Variants in TANC2 observed in about 807,000 individuals in gnomAD.
TANC2 encodes the protein protein TANC2.
A neutral mutation model predicts 210.5 loss-of-function variants in TANC2; 26 were observed. That is an observed-to-expected ratio of 0.12 (90% CI 0.09 to 0.17). The LOEUF (loss-of-function observed/expected upper bound fraction) is 0.17, where lower values mean the gene tolerates loss of function less well. Among genes scored for constraint, TANC2 ranks in the 10% least tolerant of loss-of-function variants. TANC2 has a pLI of 1.00. For missense variants in TANC2, 2,129 were observed against 2,608.9 expected (o/e 0.82, Z 4.01); for synonymous variants, 931 against 967.1 (o/e 0.96, Z 0.69).
chr17:63,023,785 T>C (rs2034443203), intron 2 of TANC2, among the ~76,000 whole-genome samples: 1 of 152,184 alleles, frequency 6.6e-6, no homozygotes, highest in African/African-American at 2.4e-5. Context: ...AGGATTCTGA[T>C]TTGGTGGCAG....
In TANC2 at chr17:63,421,947, A is replaced by G. The variant is rs767758030; in HGVS notation, c.6217A>G (p.Asn2073Asp). 1.2e-6 allele frequency: 2 copies of G among 1,603,252 alleles called. No individual in the cohort carries two copies. The highest frequency in any genetic ancestry group is 1.7e-6 in the Non-Finnish European group (2 of 1,174,822). Residue 2073 changes from asparagine to aspartate, a missense_variant, in exon 28 of 28, where the codon AAT becomes GAT. Around this residue, in one of 5 missense-constraint regions of TANC2, gnomAD observed 161 missense variants for 178.6 expected, o/e 0.90. Transcript: ENST00000689528. This position sits in a 1 kb window ranked among gnomAD's most constrained non-coding sequence, Gnocchi z 6.9. ...ACCAAAGAGACCGTTCGTGGAGTCT[A>G]ATGTTTAAAAGACGTTTTGTTGGAG...
intron 7 of TANC2, among the ~76,000 whole-genome samples, chr17:63,205,485 A>G (rs572601525): frequency 1.3e-5 from 2 of 152,228 alleles, no homozygotes; most frequent in Admixed American, 1.3e-4. Flanking sequence ...ACATAGGAGG[A>G]AATCTTTGGA....
intron 8 of TANC2, among the ~76,000 whole-genome samples, chr17:63,250,193 T>G (rs1286145265): frequency 6.6e-6 from 1 of 152,122 alleles, no homozygotes; most frequent in Non-Finnish European, 1.5e-5. Context: ...AATTTTGTTA[T>G]AGATTTGTTT....
At chr17:63,253,200 G>A (rs779812123) in intron 8 of TANC2, among the ~76,000 whole-genome samples, 1 of 152,168 alleles carries the variant, frequency 6.6e-6, no homozygotes, top group Non-Finnish European at 1.5e-5. Context: ...TCTGATGTCA[G>A]TGATGTTTAG....
intron 14 of TANC2, among the ~76,000 whole-genome samples, chr17:63,370,929 C>T (rs1462567506): frequency 1.3e-5 from 2 of 152,210 alleles, no homozygotes; most frequent in East Asian, 3.9e-4. Context: ...CACTTGCCAA[C>T]AAGAACTCTT....
chr17:63,025,377 T>C (rs1193591455), intron 2 of TANC2, among the ~76,000 whole-genome samples: 2 of 152,210 alleles, frequency 1.3e-5, no homozygotes, highest in Admixed American at 6.5e-5. Flanking sequence ...TCATTTTTAC[T>C]ATCTTTGGGT....
At chr17:63,116,798 C>G (rs1008156489) in intron 4 of TANC2, among the ~76,000 whole-genome samples, 2 of 152,102 alleles carry the variant, frequency 1.3e-5, no homozygotes, top group Middle Eastern at 3.2e-3. Flanking sequence ...CTAGACAGTT[C>G]CTTACATTGC....
At chr17:63,304,845 G>C (rs974508923) in intron 9 of TANC2, among the ~76,000 whole-genome samples, 3 of 152,228 alleles carry the variant, frequency 2.0e-5, no homozygotes, top group Non-Finnish European at 4.4e-5. Context: ...CAGGCCTGAA[G>C]AGGCACTCTG....
chr17:63,211,641 T>C (rs547009899), intron 7 of TANC2, among the ~76,000 whole-genome samples: 1 of 152,304 alleles, frequency 6.6e-6, no homozygotes, highest in East Asian at 1.9e-4. Context: ...CCTGTGCCTA[T>C]CTGTATTATT....
rs527516172 is a variant in TANC2 at position 63,094,941 on chromosome 17, T to C, written c.140-4234T>C. On this transcript the variant is annotated intron_variant, in intron 3 of 27. Coordinates refer to ENST00000689528, the Ensembl canonical transcript of TANC2. The stretch of plus-strand genomic sequence containing the variant: ...AAAGTAGAAAATAAATATTGAGTAA[T>C]GTAGAGTACCAGTAGGTGCTGTCTT... 1.6e-4 allele frequency among the ~76,000 whole-genome samples: 25 copies of C among 152,216 alleles called. No homozygotes were observed. The South Asian group carries it at 4.1e-3, about 25-fold the overall frequency.
chr17:63,299,734 C>G (rs1209525498), intron 9 of TANC2, among the ~76,000 whole-genome samples: 1 of 151,940 alleles, frequency 6.6e-6, no homozygotes, highest in African/African-American at 2.4e-5. Context: ...CTGTAGATTG[C>G]CTGTTCACTC....
intron 5 of TANC2, chr17:63,152,804 C>T (rs1032073650): frequency 1.3e-5 from 2 of 152,156 alleles, no homozygotes; most frequent in South Asian, 2.1e-4. Flanking sequence ...GTCATGGGGG[C>T]CTAATCTTTC....
rs568796970 is a variant in TANC2 at position 63,206,698 on chromosome 17, G to T, written c.769+5741G>T. Among the ~76,000 whole-genome samples, 18 of 152,256 alleles carry T rather than the reference G, an allele frequency of 1.2e-4. No individual in the cohort carries two copies. The South Asian group carries it at 3.5e-3, about 30-fold the overall frequency. The stretch of plus-strand genomic sequence containing the variant: ...AGAATAGAGAGTACTGAGTGGGGCT[G>T]CAGCGGCGTGGGGAGTTGGTGGGAT... On this transcript the variant is annotated intron_variant, in intron 7 of 27. Transcript: ENST00000689528.
chr17:63,333,959 T>G (rs181663531), intron 11 of TANC2: 14 of 152,356 alleles, frequency 9.2e-5, no homozygotes, highest in African/African-American at 3.4e-4. Flanking sequence ...ATTGCACACT[T>G]AATAGATTAT....
chr17:63,235,767 G>C (rs1598667923), intron 7 of TANC2, among the ~76,000 whole-genome samples: 1 of 132,128 alleles, frequency 7.6e-6, no homozygotes. Context: ...CAAAATATAA[G>C]AAGAGAAAAT....
intron 11 of TANC2, among the ~76,000 whole-genome samples, chr17:63,323,448 A>G (rs2447447): frequency 0.6 from 91,273 of 152,054 alleles, 29,980 homozygotes; most frequent in African/African-American, 0.87. Flanking sequence ...ACTTAACATT[A>G]CATATTTCTT....
intron 4 of TANC2, among the ~76,000 whole-genome samples, chr17:63,112,690 A>G (rs1044971333): frequency 6.6e-6 from 1 of 152,240 alleles, no homozygotes; most frequent in Admixed American, 6.5e-5. Flanking sequence ...AGGAATACAG[A>G]AATGTGTGTA....
chr17:63,300,301 T>C (rs999233856), intron 9 of TANC2, among the ~76,000 whole-genome samples: 3 of 152,196 alleles, frequency 2.0e-5, no homozygotes, highest in Non-Finnish European at 2.9e-5. Flanking sequence ...TTAAAGTAGT[T>C]TTTACCAATT....
Position 63,268,465 on chromosome 17 carries a change from T to G in TANC2, c.1159+592T>G, listed in dbSNP as rs1598741460. 2.0e-5 allele frequency among the ~76,000 whole-genome samples: 3 copies of G among 152,220 alleles called. No homozygotes were observed. The South Asian group carries it at 6.2e-4, about 31-fold the overall frequency. On this transcript the variant is annotated intron_variant, in intron 9 of 27. Coordinates refer to ENST00000689528, the Ensembl canonical transcript of TANC2. Reference sequence around the variant, plus strand: ...GTATGAAACATATGAATTTCTTGTTTAGACCCAAGTCCTATCACCAAGATC... The same window carrying G: ...GTATGAAACATATGAATTTCTTGTTGAGACCCAAGTCCTATCACCAAGATC...
Sources: allele counts gnomAD v4.1 joint callset (sites outside exome capture counted in the v4.1 genomes callset), GRCh38; gene constraint gnomAD v4.1.1; regional missense constraint gnomAD v4.1.1; non-coding constraint Gnocchi (gnomAD v3.1); transcripts MANE v1.5; gene names NCBI Gene and HGNC (gene_info 2026-07-23, HGNC 2026-07-21).